Variants in IMMP2L observed in about 807,000 individuals in gnomAD.
IMMP2L encodes mitochondrial inner membrane protease subunit 2.
IMMP2L carries 18 observed loss-of-function variants against 19.3 expected under a neutral mutation model. That is an observed-to-expected ratio of 0.93 (90% CI 0.64 to 1.38). IMMP2L has a LOEUF of 1.38. Ranked by LOEUF, IMMP2L falls within the 40% of genes most tolerant of loss-of-function variation. The pLI, the probability that IMMP2L is intolerant of heterozygous loss-of-function variation, is 0.00. For missense variants in IMMP2L, 233 were observed against 218.2 expected (o/e 1.07, Z -0.43); for synonymous variants, 76 against 73.0 (o/e 1.04, Z -0.21).
At chr7:111,385,006 T>C (rs1831591609) in intron 3 of IMMP2L, among the ~76,000 whole-genome samples, 1 of 152,156 alleles carries the variant, frequency 6.6e-6, no homozygotes, top group African/African-American at 2.4e-5. Context: ...TGTAAGGCCT[T>C]ATTCATCAAC....
chr7:111,284,635 G>T (rs1465804454), intron 3 of IMMP2L, among the ~76,000 whole-genome samples: 1 of 152,118 alleles, frequency 6.6e-6, no homozygotes, highest in African/African-American at 2.4e-5. Flanking sequence ...ATGACTATAA[G>T]CCCGGGGCTT....
At chr7:110,994,632 T>C (rs6965810) in intron 3 of IMMP2L, among the ~76,000 whole-genome samples, 102,513 of 152,068 alleles carry the variant, frequency 0.67, 35,465 homozygotes, top group African/African-American at 0.81. Flanking sequence ...CACATTCTCC[T>C]CCATGTCCCC....
At chr7:111,485,271 C>A (rs964053649) in intron 3 of IMMP2L, among the ~76,000 whole-genome samples, 2 of 152,006 alleles carry the variant, frequency 1.3e-5, no homozygotes, top group African/African-American at 4.8e-5. Context: ...GTTATTTGTA[C>A]ATGACAAAGA....
chr7:110,804,964 T>A (rs1253893862), intron 5 of IMMP2L, among the ~76,000 whole-genome samples: 1 of 152,086 alleles, frequency 6.6e-6, no homozygotes, highest in African/African-American at 2.4e-5. Context: ...GACAGCTAGG[T>A]TACAGGAAAA....
rs1251005662 is a variant in IMMP2L at position 110,760,047 on chromosome 7, CATTTAAT to C, written c.409-96333_409-96327del. 6.6e-6 allele frequency among the ~76,000 whole-genome samples: 1 copy of C among 152,076 alleles called. No individual in the cohort carries two copies. The highest frequency in any genetic ancestry group is 2.4e-5 in the African/African-American group (1 of 41,432). ...TCCCCACAATGCCAGTTAAGCCTTC[CATTTAAT>C]ATGAAATCAAGTGGAGACATCTGTG... On this transcript the variant is annotated intron_variant, in intron 5 of 5. Coordinates refer to ENST00000405709, the MANE Select transcript of IMMP2L (RefSeq NM_032549.4). This position sits in a 1 kb window ranked among gnomAD's most constrained non-coding sequence, Gnocchi z 4.2.
intron 5 of IMMP2L, among the ~76,000 whole-genome samples, chr7:110,808,252 T>G (rs1528042): frequency 0.96 from 146,323 of 152,034 alleles, 70,429 homozygotes; most frequent in East Asian, 0.98. Flanking sequence ...TTTACTTTGT[T>G]CCAATACCCT....
At chr7:111,450,754 C>G (rs1469005374) in intron 3 of IMMP2L, among the ~76,000 whole-genome samples, 2 of 151,196 alleles carry the variant, frequency 1.3e-5, no homozygotes, top group Non-Finnish European at 2.9e-5. Flanking sequence ...AAAGAAACTA[C>G]CATCAGACTG....
At chr7:110,669,327 C>A (rs1469369229) in intron 5 of IMMP2L, among the ~76,000 whole-genome samples, 1 of 152,078 alleles carries the variant, frequency 6.6e-6, no homozygotes, top group African/African-American at 2.4e-5. Flanking sequence ...TGGTGTGTTC[C>A]TTCTTACTCA....
chr7:111,441,026 T>C (rs1837657181), intron 3 of IMMP2L, among the ~76,000 whole-genome samples: 2 of 151,906 alleles, frequency 1.3e-5, no homozygotes, highest in Admixed American at 1.3e-4. Flanking sequence ...CTTCATAGAA[T>C]TGAAGGAAGT....
intron 3 of IMMP2L, among the ~76,000 whole-genome samples, chr7:111,409,896 C>T (rs75411971): frequency 0.021 from 3,226 of 151,582 alleles, 200 homozygotes; most frequent in African/African-American, 0.074. Context: ...TAAGACTGCC[C>T]CTATTCCAAC....
chr7:110,880,086 G>T (rs1462907746), intron 5 of IMMP2L, among the ~76,000 whole-genome samples: 2 of 151,998 alleles, frequency 1.3e-5, no homozygotes, highest in Non-Finnish European at 2.9e-5. Flanking sequence ...ACACATTATG[G>T]CTCTGATTCT....
chr7:110,888,755 T>G (rs1247007720), intron 4 of IMMP2L, among the ~76,000 whole-genome samples: 1 of 152,188 alleles, frequency 6.6e-6, no homozygotes, highest in Non-Finnish European at 1.5e-5. Flanking sequence ...TGCTTTATTT[T>G]TCTTTTCTGA....
At chr7:110,847,446 A>C (rs1805782780) in intron 5 of IMMP2L, among the ~76,000 whole-genome samples, 2 of 152,210 alleles carry the variant, frequency 1.3e-5, no homozygotes, top group African/African-American at 4.8e-5. Flanking sequence ...TAATACAGAA[A>C]ATATAAAGTG....
intron 3 of IMMP2L, among the ~76,000 whole-genome samples, chr7:111,356,959 G>A (rs1001964850): frequency 3.3e-5 from 5 of 152,074 alleles, no homozygotes; most frequent in Admixed American, 1.3e-4. Flanking sequence ...CCAGGAGGTT[G>A]CAGTGAGCCC....
chr7:111,267,874 T>C (rs1413706748), intron 3 of IMMP2L, among the ~76,000 whole-genome samples: 3 of 152,142 alleles, frequency 2.0e-5, no homozygotes. Flanking sequence ...AGTCATTGTA[T>C]AAAAATAGTG....
intron 3 of IMMP2L, among the ~76,000 whole-genome samples, chr7:111,054,202 A>G (rs1291342939): frequency 1.3e-5 from 2 of 152,200 alleles, no homozygotes; most frequent in Non-Finnish European, 2.9e-5. Flanking sequence ...CCATACATTG[A>G]TATCTCAATT....
intron 5 of IMMP2L, among the ~76,000 whole-genome samples, chr7:110,856,581 A>G (rs1278336889): frequency 6.6e-6 from 1 of 152,072 alleles, no homozygotes; most frequent in Non-Finnish European, 1.5e-5. Context: ...AAATTATATA[A>G]GCATCTTGAG....
At chr7:111,175,326 G>A (rs1191592657) in intron 3 of IMMP2L, among the ~76,000 whole-genome samples, 3 of 151,742 alleles carry the variant, frequency 2.0e-5, no homozygotes, top group Non-Finnish European at 4.4e-5. Context: ...TAAACTATAA[G>A]CTCACTGAAG....
chr7:111,300,806 AG>A (rs1822138329), intron 3 of IMMP2L, among the ~76,000 whole-genome samples: 1 of 152,132 alleles, frequency 6.6e-6, no homozygotes, highest in Non-Finnish European at 1.5e-5. Context: ...GTAGGATTCT[AG>A]GTATATATGT....
Sources: gnomAD v4.1 joint callset for allele counts (sites outside exome capture counted in the v4.1 genomes callset) on GRCh38, gnomAD v4.1.1 for gene constraint, Gnocchi (gnomAD v3.1) non-coding constraint, MANE v1.5 for transcripts, NCBI Gene and HGNC (gene_info 2026-07-23, HGNC 2026-07-21) for gene names.